CFAP418: variants seen among roughly 807,000 people sequenced by gnomAD.
CFAP418 encodes cilia and flagella associated protein 418.
A neutral mutation model predicts 24.7 loss-of-function variants in CFAP418; 27 were observed. That is an observed-to-expected ratio of 1.09 (90% CI 0.81 to 1.51). CFAP418 has a LOEUF of 1.51. Ranked by LOEUF, CFAP418 falls within the 40% of genes most tolerant of loss-of-function variation. The pLI is 0.00. For synonymous variants in CFAP418, 74 were observed against 87.3 expected, an observed-to-expected ratio of 0.85 and a Z score of 0.85; for missense variants, 257 against 255.2, an observed-to-expected ratio of 1.01 and a Z score of -0.05.
At chr8:95,268,762 G>C (rs1812063318) in intron 1 of CFAP418, 2 of 203,396 alleles carry the variant, frequency 9.8e-6, no homozygotes, top group East Asian at 1.7e-4. Context: ...GGGCGGGGCG[G>C]GGCGGGGCGG....
Position 95,269,017 on chromosome 8 carries a change from C to A in CFAP418, c.155+18G>T. ...GCAGGGCTTTACCAGAACAGTCCACCCCTCCCGCCCGGTTAACCTGAGCGT... is the reference window on the plus strand; with the variant it reads ...GCAGGGCTTTACCAGAACAGTCCACACCTCCCGCCCGGTTAACCTGAGCGT... On this transcript the variant is annotated intron_variant, in intron 1 of 5. Coordinates refer to ENST00000286688, the MANE Select transcript of CFAP418 (RefSeq NM_177965.4). 1 of 1,612,374 alleles carries A rather than the reference C, an allele frequency of 6.2e-7. No homozygotes were observed. The highest frequency in any genetic ancestry group is 8.5e-7 in the Non-Finnish European group (1 of 1,178,818).
At chr8:95,260,389 T>C (rs1024383999) in intron 3 of CFAP418, 79 bp downstream of exon 3, 38 of 1,077,476 alleles carry the variant, frequency 3.5e-5, no homozygotes, top group Non-Finnish European at 4.7e-5. Flanking sequence ...GCTGTTTAAA[T>C]GGTAACAAAA....
chr8:95,255,671 C>G (rs1310217307), intron 4 of CFAP418, among the ~76,000 whole-genome samples: 1 of 152,142 alleles, frequency 6.6e-6, no homozygotes, highest in Non-Finnish European at 1.5e-5. Context: ...TCATTTAATC[C>G]TTAGGACCTA....
chr8:95,268,121 T>G (rs139760191), intron 1 of CFAP418, among the ~76,000 whole-genome samples: 5 of 152,212 alleles, frequency 3.3e-5, no homozygotes, highest in African/African-American at 2.4e-5. Context: ...GTAATGAATT[T>G]AATCTCATCT....
Position 95,247,734 on chromosome 8 carries a change from C to T in CFAP418, c.507G>A (p.Lys169=), listed in dbSNP as rs1171075573. Reference sequence around the variant, plus strand: ...CCCGTGTTCCTTTCTTCTTTATCAACTTTGCTTTTAATTTGTGAAATTCTG... The same window carrying T: ...CCCGTGTTCCTTTCTTCTTTATCAATTTTGCTTTTAATTTGTGAAATTCTG... ...NMPEFHKLKA[K]LIKKKGTRAY... Residue 169 remains lysine (K), a synonymous_variant, in exon 6 of 6, where the codon AAG becomes AAA. Coordinates refer to ENST00000286688, the MANE Select transcript of CFAP418 (RefSeq NM_177965.4). The T allele has an allele frequency of 1.9e-6, 3 of 1,611,798 alleles. No homozygotes were observed. Among genetic ancestry groups the T allele is most frequent in the Non-Finnish European group, 2.5e-6 (3 of 1,179,080 alleles).
At chr8:95,250,549 T>G (rs1296855666) in intron 5 of CFAP418, among the ~76,000 whole-genome samples, 1 of 152,226 alleles carries the variant, frequency 6.6e-6, no homozygotes, top group African/African-American at 2.4e-5. Flanking sequence ...TGCTTCATCT[T>G]GGTGACATAT....
intron 4 of CFAP418, among the ~76,000 whole-genome samples, chr8:95,255,254 T>C (rs77913990): frequency 0.048 from 7,248 of 152,166 alleles, 246 homozygotes; most frequent in East Asian, 0.13. Context: ...CCACTCTCTC[T>C]CCAGCCCAGT....
chr8:95,263,935 G>A (rs1811933827), intron 1 of CFAP418, among the ~76,000 whole-genome samples, 161 bp from the exon 2 acceptor site: 1 of 151,972 alleles, frequency 6.6e-6, no homozygotes, highest in African/African-American at 2.4e-5. Context: ...AGTTTGTTGA[G>A]ACAAAGATAT....
intron 5 of CFAP418, among the ~76,000 whole-genome samples, chr8:95,249,637 G>A (rs1009616623): frequency 5.3e-5 from 8 of 151,868 alleles, no homozygotes; most frequent in African/African-American, 1.9e-4. Context: ...TGGGTAACAG[G>A]GTTTGCAAGA....
chr8:95,258,936 G>C (rs1312304577), intron 4 of CFAP418, among the ~76,000 whole-genome samples: 4 of 152,112 alleles, frequency 2.6e-5, no homozygotes, highest in African/African-American at 9.7e-5. Context: ...ATCTAGGTTT[G>C]TGTAAGTACA....
chr8:95,245,119 T>C lies in CFAP418; in HGVS notation c.*2498A>G, dbSNP rs554334722. On this transcript the variant is annotated 3_prime_UTR_variant, in exon 6 of 6. Coordinates refer to ENST00000286688, the MANE Select transcript of CFAP418 (RefSeq NM_177965.4). The stretch of plus-strand genomic sequence containing the variant: ...CTTAAAAACAAACAGGCAAAACATC[T>C]TGAAAGTTTTATAGGCTTTGCATTT... The C allele has an allele frequency of 7.9e-4, 120 of 152,238 alleles. No individual in the cohort carries two copies. Among genetic ancestry groups the C allele is most frequent in the African/African-American group, 2.8e-3 (117 of 41,546 alleles). 9.4% of individuals were successfully genotyped at this position (152,238 alleles called of 1,614,324 possible).
intron 1 of CFAP418, among the ~76,000 whole-genome samples, chr8:95,264,633 A>G (rs1811945540): frequency 6.6e-6 from 1 of 152,234 alleles, no homozygotes. Context: ...GATGCTGTAC[A>G]TCAACTTTAT....
At chr8:95,268,944 C>A (rs1420065352) in intron 1 of CFAP418, 91 bp downstream of exon 1, 3 of 1,401,928 alleles carry the variant, frequency 2.1e-6, no homozygotes, top group Non-Finnish European at 2.9e-6. Context: ...AGGTCGCGGG[C>A]ACGTTTCTTT....
chr8:95,263,797 G>T lies in CFAP418; in HGVS notation c.156-23C>A, dbSNP rs368806728. 6 of 1,448,168 alleles carry T rather than the reference G, an allele frequency of 4.1e-6. No individual in the cohort carries two copies. In the African/African-American group the frequency reaches 8.4e-5, roughly 20 times the overall value. 89.7% of individuals were successfully genotyped at this position (1,448,168 alleles called of 1,614,324 possible). On this transcript the variant is annotated intron_variant, in intron 1 of 5. Transcript: ENST00000286688. ...GATCTGAAAAGAAGACATACACAAA[G>T]AAAACTTACCTGAGGTTTATGAGCA...
rs754880126 is a variant in CFAP418, at chr8:95,248,776, A to T, written c.471-1006T>A. 2.0e-5 allele frequency among the ~76,000 whole-genome samples: 3 copies of T among 152,330 alleles called. No homozygotes were observed. The East Asian group carries it at 5.8e-4, about 29-fold the overall frequency. On this transcript the variant is annotated intron_variant, in intron 5 of 5. Coordinates refer to ENST00000286688, the MANE Select transcript of CFAP418 (RefSeq NM_177965.4). Reference sequence around the variant, plus strand: ...ATTTTTAAAAAAGATGAAAAAATACAAAGTGAAAGGACGAAATACAGTATG... The same window carrying T: ...ATTTTTAAAAAAGATGAAAAAATACTAAGTGAAAGGACGAAATACAGTATG...
intron 1 of CFAP418, among the ~76,000 whole-genome samples, chr8:95,266,607 T>A (rs1412454731): frequency 1.3e-5 from 2 of 152,234 alleles, no homozygotes; most frequent in Admixed American, 6.5e-5. Context: ...GTATAAATTT[T>A]GGCTCAAGGA....
Position 95,259,905 on chromosome 8 carries a change from A to G in CFAP418, c.309T>C (p.Ser103=), listed in dbSNP as rs1165172898. 1 of 1,595,830 alleles carries G rather than the reference A, an allele frequency of 6.3e-7. No individual in the cohort carries two copies. Among genetic ancestry groups the G allele is most frequent in the Non-Finnish European group, 8.5e-7 (1 of 1,174,248 alleles). Residue 103 remains serine (S), a splice_region_variant and synonymous_variant, in exon 4 of 6, where the codon AGT becomes AGC. Transcript: ENST00000286688. ...TTCCACCAAGGTACACCGGACTGCA[A>G]CTAGATGTGTTCAACAGATGCAAAA... ...VRASIEGLGK[S]CSPVYLGGSS...
At chr8:95,259,157 A>G (rs1222447371) in intron 4 of CFAP418, among the ~76,000 whole-genome samples, 1 of 152,252 alleles carries the variant, frequency 6.6e-6, no homozygotes, top group East Asian at 1.9e-4. Flanking sequence ...GTATTTTAAT[A>G]AAGTAAGTTA....
chr8:95,253,598 C>G (rs1587351289), intron 4 of CFAP418, among the ~76,000 whole-genome samples: 21 of 152,184 alleles, frequency 1.4e-4, no homozygotes, highest in Admixed American at 9.8e-4. Flanking sequence ...CTTTGTATTT[C>G]TAAAAATACT....
Sources: allele counts gnomAD v4.1 joint callset (sites outside exome capture counted in the v4.1 genomes callset), GRCh38; gene constraint gnomAD v4.1.1; transcripts MANE v1.5; gene names NCBI Gene and HGNC (gene_info 2026-07-23, HGNC 2026-07-21).